The following PHF14 variants were observed in gnomAD, a reference collection of about 807,000 sequenced individuals.
PHF14 encodes the protein PHD finger protein 14.
PHF14 carries 55 observed loss-of-function variants against 117.9 expected under a neutral mutation model. The observed-to-expected ratio is 0.47, with a 90% CI of 0.38 to 0.58. PHF14 has a LOEUF of 0.58. Ranked by LOEUF, PHF14 falls within the 20% of genes least tolerant of loss-of-function variation. The pLI, the probability that PHF14 is intolerant of heterozygous loss-of-function variation, is 0.00. For missense variants in PHF14, 978 were observed against 1,122.2 expected (o/e 0.87, Z 1.84); for synonymous variants, 409 against 368.6 (o/e 1.11, Z -1.26).
At chr7:11,037,131 C>G in intron 10 of PHF14, 40 bp downstream of exon 10, 1 of 1,426,388 alleles carries the variant, frequency 7.0e-7, no homozygotes, top group Non-Finnish European at 9.4e-7. Context: ...TGTGATAGAT[C>G]TTACTGATGA....
intron 4 of PHF14, among the ~76,000 whole-genome samples, chr7:11,002,866 A>G (rs78418712): frequency 0.019 from 2,897 of 152,340 alleles, 59 homozygotes; most frequent in East Asian, 0.1. Flanking sequence ...TTGAGGGTCA[A>G]TGCAGATGGA....
intron 7 of PHF14, among the ~76,000 whole-genome samples, chr7:11,031,967 A>G (rs945895791): frequency 1.3e-5 from 2 of 152,062 alleles, no homozygotes; most frequent in Non-Finnish European, 2.9e-5. Flanking sequence ...ATTTGAAACA[A>G]TATAAAACCG....
chr7:11,152,907 A>G (rs777334928), intron 17 of PHF14, among the ~76,000 whole-genome samples: 7 of 152,196 alleles, frequency 4.6e-5, no homozygotes, highest in Non-Finnish European at 7.3e-5. Context: ...AATCAGAGGG[A>G]AGAGCAGCAT....
chr7:11,016,904 A>G (rs1002122466), intron 5 of PHF14, among the ~76,000 whole-genome samples: 1 of 152,000 alleles, frequency 6.6e-6, no homozygotes, highest in East Asian at 1.9e-4. Context: ...TCCCTGCACT[A>G]TCCTTCCCAA....
intron 2 of PHF14, 39 bp downstream of exon 2, chr7:10,974,984 TG>T: frequency 9.8e-7 from 1 of 1,022,166 alleles, no homozygotes; most frequent in East Asian, 2.6e-5. Flanking sequence ...CCCAGCTTTC[TG>T]GAGTTAGGCT....
chr7:11,073,585 G>A (rs1785707646), intron 16 of PHF14, among the ~76,000 whole-genome samples: 1 of 152,160 alleles, frequency 6.6e-6, no homozygotes, highest in Non-Finnish European at 1.5e-5. Flanking sequence ...GGTGCAAGCT[G>A]CTGGTGGCTC....
At chr7:11,064,540 T>G (rs67424072) in intron 16 of PHF14, among the ~76,000 whole-genome samples, 21,859 of 152,016 alleles carry the variant, frequency 0.14, 1,854 homozygotes, top group East Asian at 0.24. Context: ...TCAAGTTCTT[T>G]TAAACTGATG....
chr7:11,024,150 A>G (rs1003348874), intron 6 of PHF14, among the ~76,000 whole-genome samples: 5 of 152,218 alleles, frequency 3.3e-5, no homozygotes, highest in African/African-American at 4.8e-5. Context: ...CATAGCAGCC[A>G]CAACATTCCC....
chr7:11,048,450 T>C (rs1466283497), intron 13 of PHF14, among the ~76,000 whole-genome samples: 1 of 152,034 alleles, frequency 6.6e-6, no homozygotes, highest in African/African-American at 2.4e-5. Flanking sequence ...CAGGCACCTG[T>C]AATCCCAGCT....
chr7:11,025,254 G>C (rs890424900), intron 6 of PHF14, among the ~76,000 whole-genome samples: 2 of 152,198 alleles, frequency 1.3e-5, no homozygotes, highest in African/African-American at 2.4e-5. Context: ...AGTGAAGAAA[G>C]TGGTTTCTCG....
chr7:11,088,907 T>G (rs1481361941), intron 16 of PHF14, among the ~76,000 whole-genome samples: 1 of 152,202 alleles, frequency 6.6e-6, no homozygotes, highest in Non-Finnish European at 1.5e-5. Flanking sequence ...TATATGCTAC[T>G]AAATTGTTAC....
At chr7:11,106,864 C>T (rs1787283402) in intron 16 of PHF14, 15 of 982,898 alleles carry the variant, frequency 1.5e-5, no homozygotes, top group Non-Finnish European at 1.8e-5. Flanking sequence ...TTTTCAGAGT[C>T]CAGTTTTTGT....
intron 16 of PHF14, among the ~76,000 whole-genome samples, chr7:11,070,852 T>C (rs946073824): frequency 1.3e-5 from 2 of 152,250 alleles, no homozygotes; most frequent in Non-Finnish European, 2.9e-5. Flanking sequence ...CACTGCCATA[T>C]CTGTATATTT....
chr7:11,027,978 T>G (rs1783982441), intron 6 of PHF14, among the ~76,000 whole-genome samples: 1 of 152,186 alleles, frequency 6.6e-6, no homozygotes, highest in South Asian at 2.1e-4. Flanking sequence ...TATCTCTTCT[T>G]CATAGTAGTT....
intron 17 of PHF14, among the ~76,000 whole-genome samples, chr7:11,141,742 A>AT (rs2128351205): frequency 6.6e-6 from 1 of 151,972 alleles, no homozygotes; most frequent in East Asian, 1.9e-4. Context: ...GATTATTGGT[A>AT]TTTTTGGGTT....
intron 16 of PHF14, among the ~76,000 whole-genome samples, chr7:11,068,483 T>C (rs1785499771): frequency 1.4e-5 from 2 of 148,116 alleles, no homozygotes; most frequent in South Asian, 2.1e-4. Context: ...ATTCCTAGAG[T>C]AGTCAGATTT....
At chr7:10,984,209 T>G (rs1385964573) in intron 3 of PHF14, among the ~76,000 whole-genome samples, 1 of 152,198 alleles carries the variant, frequency 6.6e-6, no homozygotes, top group African/African-American at 2.4e-5. Flanking sequence ...TAGCAGTGAT[T>G]ATCTATTTTA....
chr7:11,075,097 C>G (rs968834933), intron 16 of PHF14, among the ~76,000 whole-genome samples: 1 of 151,986 alleles, frequency 6.6e-6, no homozygotes, highest in Non-Finnish European at 1.5e-5. Context: ...GCCATCACAC[C>G]TGGCTAATTT....
chr7:11,118,325 A>G (rs1391325950), intron 17 of PHF14, among the ~76,000 whole-genome samples: 2 of 151,836 alleles, frequency 1.3e-5, no homozygotes, highest in African/African-American at 4.8e-5. Context: ...ACAGATTTCC[A>G]GTTGATCCTC....
Sources: allele counts gnomAD v4.1 joint callset (sites outside exome capture counted in the v4.1 genomes callset), GRCh38; gene constraint gnomAD v4.1.1; transcripts MANE v1.5; gene names NCBI Gene and HGNC (gene_info 2026-07-23, HGNC 2026-07-21).